RCAN1: variants seen among roughly 807,000 people sequenced by gnomAD.
The protein encoded by RCAN1 is regulator of calcineurin 1.
In RCAN1, 11 loss-of-function variants were observed where a neutral mutation model predicts 22.9. The ratio of observed to expected loss-of-function variants is 0.48; its 90% CI spans 0.30 to 0.79. The LOEUF is 0.79. Among genes scored for constraint, RCAN1 ranks in the 30% least tolerant of loss-of-function variants. RCAN1 has a pLI of 0.06. For missense variants in RCAN1, 291 were observed against 337.8 expected (o/e 0.86, Z 1.09); for synonymous variants, 136 against 142.3 (o/e 0.96, Z 0.32).
chr21:34,527,784 G>A (rs1018968349), intron 1 of RCAN1, among the ~76,000 whole-genome samples: 2 of 150,370 alleles, frequency 1.3e-5, no homozygotes, highest in African/African-American at 4.9e-5. Context: ...CACATGCTTA[G>A]CGTTCCAATA....
chr21:34,527,007 C>G, intron 1 of RCAN1: 1 of 1,266,682 alleles, frequency 7.9e-7, no homozygotes, highest in African/African-American at 1.6e-5. Context: ...GACGTCAACA[C>G]CTTAGTCATT....
At chr21:34,586,782 G>A (rs1352148475) in intron 1 of RCAN1, among the ~76,000 whole-genome samples, 2 of 152,048 alleles carry the variant, frequency 1.3e-5, no homozygotes, top group Non-Finnish European at 2.9e-5. Flanking sequence ...GCGAAACCCT[G>A]TCTCTACTAA....
chr21:34,556,196 G>A (rs1247822890), intron 1 of RCAN1, among the ~76,000 whole-genome samples: 3 of 150,950 alleles, frequency 2.0e-5, no homozygotes, highest in Non-Finnish European at 4.4e-5. Flanking sequence ...GGCTGAGGCG[G>A]GAGGATAGCT....
At chr21:34,593,685 G>C (rs570163371) in intron 1 of RCAN1, among the ~76,000 whole-genome samples, 61 of 152,338 alleles carry the variant, frequency 4.0e-4, no homozygotes, top group African/African-American at 1.4e-3. Flanking sequence ...GGTGTTGGGA[G>C]GTCGGGCTGA....
intron 2 of RCAN1, chr21:34,523,069 T>C (rs1984707429): frequency 6.5e-6 from 1 of 153,010 alleles, no homozygotes. Context: ...GACCTGGCAG[T>C]CCTGGGCTGA....
chr21:34,606,992 C>T (rs1197623594), intron 1 of RCAN1, among the ~76,000 whole-genome samples: 2 of 152,206 alleles, frequency 1.3e-5, no homozygotes, highest in African/African-American at 2.4e-5. Context: ...TGTTGAGGAA[C>T]TTTCTGAATT....
At chr21:34,566,524 G>C (rs1319886401) in intron 1 of RCAN1, among the ~76,000 whole-genome samples, 2 of 151,832 alleles carry the variant, frequency 1.3e-5, no homozygotes, top group Non-Finnish European at 2.9e-5. Context: ...TGGAGAGTGG[G>C]ACCAGGCCTC....
intron 1 of RCAN1, among the ~76,000 whole-genome samples, chr21:34,566,803 G>A (rs571623945): frequency 2.0e-5 from 3 of 152,178 alleles, no homozygotes; most frequent in Non-Finnish European, 4.4e-5. Flanking sequence ...AGGTGAAGGG[G>A]GAGCAGGCGT....
chr21:34,553,359 A>T (rs1227716705), intron 1 of RCAN1, among the ~76,000 whole-genome samples: 2 of 152,188 alleles, frequency 1.3e-5, no homozygotes, highest in Non-Finnish European at 1.5e-5. Context: ...ATAATAATAA[A>T]AAAAAAGACT....
intron 1 of RCAN1, among the ~76,000 whole-genome samples, chr21:34,601,848 G>T (rs1470190626): frequency 6.7e-6 from 1 of 149,866 alleles, no homozygotes; most frequent in Non-Finnish European, 1.5e-5. Context: ...GAAGGTGAAT[G>T]CTGTCCACAT....
intron 1 of RCAN1, among the ~76,000 whole-genome samples, chr21:34,588,861 A>C (rs2123708183): frequency 6.6e-6 from 1 of 152,362 alleles, no homozygotes; most frequent in African/African-American, 2.4e-5. Context: ...AAAGGAAGGA[A>C]ATTTTGAAAC....
At chr21:34,536,706 G>C (rs919839532) in intron 1 of RCAN1, among the ~76,000 whole-genome samples, 2 of 152,168 alleles carry the variant, frequency 1.3e-5, no homozygotes, top group African/African-American at 4.8e-5. Context: ...TGTCAGCGGA[G>C]GAGTAAAGGT....
intron 1 of RCAN1, among the ~76,000 whole-genome samples, chr21:34,583,966 C>T (rs944387838): frequency 6.6e-6 from 1 of 152,106 alleles, no homozygotes; most frequent in African/African-American, 2.4e-5. Flanking sequence ...TGATTATAAT[C>T]ATAAAGTCTA....
chr21:34,548,024 G>A (rs930838489), intron 1 of RCAN1, among the ~76,000 whole-genome samples: 1 of 152,084 alleles, frequency 6.6e-6, no homozygotes, highest in Non-Finnish European at 1.5e-5. Context: ...GCCAGGAGGA[G>A]AGCCCTCACC....
intron 1 of RCAN1, among the ~76,000 whole-genome samples, chr21:34,530,529 T>C (rs1949917542): frequency 6.6e-6 from 1 of 151,484 alleles, no homozygotes; most frequent in East Asian, 1.9e-4. Context: ...GAGCAAAAAA[T>C]GAGGCAACTT....
chr21:34,598,370 GA>G (rs1263635130), intron 1 of RCAN1, among the ~76,000 whole-genome samples: 1 of 152,186 alleles, frequency 6.6e-6, no homozygotes, highest in Non-Finnish European at 1.5e-5. Context: ...GCTTAGAAAT[GA>G]ACAAAAAGAT....
intron 3 of RCAN1, chr21:34,521,064 G>A (rs1984480617): frequency 1.6e-6 from 2 of 1,217,944 alleles, no homozygotes; most frequent in Non-Finnish European, 2.0e-6. Context: ...AGAAGGCCAG[G>A]TGAGAATCAC....
intron 1 of RCAN1, among the ~76,000 whole-genome samples, chr21:34,556,065 A>AAAATAAAT (rs71324312): frequency 0.028 from 3,058 of 108,082 alleles, 56 homozygotes; most frequent in African/African-American, 0.046. Flanking sequence ...TCCATTTCAA[A>AAAATAAAT]AAATAAATAA....
intron 1 of RCAN1, among the ~76,000 whole-genome samples, chr21:34,590,605 G>T (rs1489371417): frequency 6.6e-6 from 1 of 152,138 alleles, no homozygotes; most frequent in Non-Finnish European, 1.5e-5. Flanking sequence ...TCCCATCCCA[G>T]CACCTGCTCA....
Sources: gnomAD v4.1 joint callset for allele counts (sites outside exome capture counted in the v4.1 genomes callset) on GRCh38, gnomAD v4.1.1 for gene constraint, MANE v1.5 for transcripts, NCBI Gene and HGNC (gene_info 2026-07-23, HGNC 2026-07-21) for gene names.